Variants in SLC35F1 observed in about 807,000 individuals in gnomAD.
The protein encoded by SLC35F1 is solute carrier family 35 member F1.
Under a neutral mutation model 48.7 loss-of-function variants are expected in SLC35F1, and 14 were observed. The observed-to-expected ratio is 0.29, with a 90% CI of 0.19 to 0.45. The LOEUF is 0.45. SLC35F1 is among the 20% of genes least tolerant of loss of function. The pLI is 1.00. For synonymous variants in SLC35F1, 190 were observed against 202.2 expected, an observed-to-expected ratio of 0.94 and a Z score of 0.51; for missense variants, 404 against 500.0, an observed-to-expected ratio of 0.81 and a Z score of 1.83.
At chr6:117,978,759 C>T (rs1014960971) in intron 1 of SLC35F1, among the ~76,000 whole-genome samples, 1 of 152,178 alleles carries the variant, frequency 6.6e-6, no homozygotes, top group African/African-American at 2.4e-5. Context: ...AATAAAAATA[C>T]AGGACACCCA....
chr6:118,051,793 C>G (rs548609834), intron 1 of SLC35F1, among the ~76,000 whole-genome samples: 1 of 152,248 alleles, frequency 6.6e-6, no homozygotes, highest in East Asian at 1.9e-4. Context: ...AGGAGGGATG[C>G]TGGAGCCCAG....
chr6:118,135,290 C>T (rs1469272658), intron 1 of SLC35F1, among the ~76,000 whole-genome samples: 1 of 152,130 alleles, frequency 6.6e-6, no homozygotes. Flanking sequence ...ATTATTCTGT[C>T]CTTCAGAATC....
intron 4 of SLC35F1, among the ~76,000 whole-genome samples, chr6:118,267,421 A>T (rs990718980): frequency 6.6e-6 from 1 of 152,220 alleles, no homozygotes; most frequent in African/African-American, 2.4e-5. Flanking sequence ...TTTAAAACTG[A>T]GAGTCATGAC....
At chr6:117,936,828 A>C (rs775255442) in intron 1 of SLC35F1, among the ~76,000 whole-genome samples, 1 of 152,196 alleles carries the variant, frequency 6.6e-6, no homozygotes, top group Non-Finnish European at 1.5e-5. Context: ...TTTGCATGGA[A>C]TCCTTTATTG....
chr6:118,026,782 T>A (rs1268451892), intron 1 of SLC35F1, among the ~76,000 whole-genome samples: 1 of 152,222 alleles, frequency 6.6e-6, no homozygotes, highest in African/African-American at 2.4e-5. Context: ...TTCTGGTTTT[T>A]AAAAAGAAGC....
intron 2 of SLC35F1, among the ~76,000 whole-genome samples, chr6:118,156,486 G>A (rs906684853): frequency 6.6e-5 from 10 of 151,986 alleles, no homozygotes; most frequent in African/African-American, 2.4e-4. Context: ...AGATCACTTG[G>A]ACACAGGGTG....
At chr6:117,958,176 G>A (rs548975453) in intron 1 of SLC35F1, among the ~76,000 whole-genome samples, 1 of 152,060 alleles carries the variant, frequency 6.6e-6, no homozygotes, top group Non-Finnish European at 1.5e-5. Context: ...TTTAAAAATA[G>A]GAAAAAGTGT....
intron 2 of SLC35F1, among the ~76,000 whole-genome samples, chr6:118,218,796 G>C (rs1775107639): frequency 6.6e-6 from 1 of 152,272 alleles, no homozygotes; most frequent in Non-Finnish European, 1.5e-5. Context: ...TCCTGGAAAT[G>C]TATTGGTAAA....
At chr6:117,915,657 T>C (rs906666129) in intron 1 of SLC35F1, among the ~76,000 whole-genome samples, 3 of 152,210 alleles carry the variant, frequency 2.0e-5, no homozygotes, top group African/African-American at 7.2e-5. Context: ...TAACTGAAAG[T>C]CTTAGATGCT....
intron 1 of SLC35F1, among the ~76,000 whole-genome samples, chr6:117,922,574 G>C (rs1260633264): frequency 6.7e-6 from 1 of 149,464 alleles, no homozygotes; most frequent in Non-Finnish European, 1.5e-5. Context: ...TTTTAATTTA[G>C]TTAATCAGTT....
At chr6:118,313,456 A>C (rs1039649508) in intron 7 of SLC35F1, among the ~76,000 whole-genome samples, 9 of 152,174 alleles carry the variant, frequency 5.9e-5, no homozygotes, top group Non-Finnish European at 1.0e-4. Flanking sequence ...GCAGGAATGG[A>C]ATGTTGTACT....
chr6:117,968,218 C>A (rs1004029347), intron 1 of SLC35F1, among the ~76,000 whole-genome samples: 1 of 152,170 alleles, frequency 6.6e-6, no homozygotes, highest in African/African-American at 2.4e-5. Context: ...ATAAGAACCT[C>A]ATTTTAATTT....
chr6:118,166,139 GA>G lies in SLC35F1; in HGVS notation c.349+11526del, dbSNP rs1774314200. ...GAAAATAAAATCAGGGTGGGGAGAG[GA>G]AAAAAATTAAAAATAATGCAAGATT... On this transcript the variant is annotated intron_variant, in intron 2 of 7. Coordinates refer to ENST00000360388, the MANE Select transcript of SLC35F1 (RefSeq NM_001029858.4). Among the ~76,000 whole-genome samples, 5 of 151,608 alleles carry G rather than the reference GA, an allele frequency of 3.3e-5. No individual in the cohort carries two copies. The South Asian group carries it at 6.3e-4, about 19-fold the overall frequency.
intron 2 of SLC35F1, among the ~76,000 whole-genome samples, chr6:118,228,061 A>G (rs997688596): frequency 3.3e-5 from 5 of 152,234 alleles, no homozygotes; most frequent in Non-Finnish European, 5.9e-5. Context: ...GGCTAAACTC[A>G]GGTCCGTTTG....
chr6:117,929,581 AAGCC>A (rs1776074842), intron 1 of SLC35F1, among the ~76,000 whole-genome samples: 1 of 151,714 alleles, frequency 6.6e-6, no homozygotes, highest in Non-Finnish European at 1.5e-5. Context: ...TTTGTAGGGC[AAGCC>A]AGCAGGCTAG....
rs1355802637 is a variant in SLC35F1, at chr6:118,275,149, T to C, written c.638-310T>C. On this transcript the variant is annotated intron_variant, in intron 4 of 7. Coordinates refer to ENST00000360388, the MANE Select transcript of SLC35F1 (RefSeq NM_001029858.4). ...CCGAGATCGTGCCACTTCATATTTG[T>C]ATAAATCTGATAAGTGAAAATCTGA... Among the ~76,000 whole-genome samples, 3 of 152,130 alleles carry C rather than the reference T, an allele frequency of 2.0e-5. No individual in the cohort carries two copies. The East Asian group carries it at 5.8e-4, about 29-fold the overall frequency.
intron 1 of SLC35F1, among the ~76,000 whole-genome samples, chr6:118,073,703 T>A (rs1374674879): frequency 6.6e-6 from 1 of 152,212 alleles, no homozygotes; most frequent in East Asian, 1.9e-4. Context: ...TTATTTTTTA[T>A]ATCAATATTT....
intron 1 of SLC35F1, among the ~76,000 whole-genome samples, chr6:117,916,130 C>T (rs1342497025): frequency 6.6e-6 from 1 of 152,194 alleles, no homozygotes; most frequent in Non-Finnish European, 1.5e-5. Context: ...GCCTGCCGGA[C>T]TACAGACTGT....
At chr6:118,153,290 C>T (rs1582697701) in intron 1 of SLC35F1, among the ~76,000 whole-genome samples, 1 of 152,002 alleles carries the variant, frequency 6.6e-6, no homozygotes, top group East Asian at 1.9e-4. Flanking sequence ...ATTCCAAAAG[C>T]GCTAGAAGAT....
Sources: allele counts gnomAD v4.1 joint callset (sites outside exome capture counted in the v4.1 genomes callset), GRCh38; gene constraint gnomAD v4.1.1; transcripts MANE v1.5; gene names NCBI Gene and HGNC (gene_info 2026-07-23, HGNC 2026-07-21).